Variants in CKAP5 observed in about 807,000 individuals in gnomAD.
The protein encoded by CKAP5 is cytoskeleton-associated protein 5.
In CKAP5, 27 loss-of-function variants were observed where a neutral mutation model predicts 232.8. The observed-to-expected ratio is 0.12, with a 90% CI of 0.09 to 0.16. The LOEUF is 0.16. Among genes scored for constraint, CKAP5 ranks in the 10% least tolerant of loss-of-function variants. CKAP5 has a pLI of 1.00. For synonymous variants in CKAP5, 785 were observed against 841.1 expected (o/e 0.93, Z 1.16); for missense variants, 1,838 against 2,424.7 (o/e 0.76, Z 5.08).
intron 15 of CKAP5, among the ~76,000 whole-genome samples, chr11:46,789,248 A>G (rs1483021763): frequency 6.6e-6 from 1 of 152,248 alleles, no homozygotes; most frequent in Non-Finnish European, 1.5e-5. Flanking sequence ...GGCTTCTGCC[A>G]TAAGTGACAG....
At position 46,811,146 on chromosome 11, in the gene CKAP5, G is replaced by T; in HGVS notation, c.491C>A (p.Pro164Gln). The T allele has an allele frequency of 6.2e-7, 1 of 1,613,278 alleles. No homozygotes were observed. The highest frequency in any genetic ancestry group is 1.1e-5 in the South Asian group (1 of 90,792). ...GAGTTTTGGCAACACTTTGATAATT[G>T]GCTTAAGCAAGATGATTTTGGAACC... ...EFGSKIILLK[P>Q]IIKVLPKLFE... Residue 164 changes from proline (P) to glutamine (Q), a missense_variant, in exon 5 of 44, where the codon CCA becomes CAA. Transcript: ENST00000529230.
At chr11:46,821,117 A>T in intron 2 of CKAP5, 58 bp downstream of exon 2, 1 of 1,237,074 alleles carries the variant, frequency 8.1e-7, no homozygotes, top group Non-Finnish European at 1.2e-6. Context: ...AGATGATAGT[A>T]TAACTGCTCA....
rs533504791 is a variant in CKAP5 at position 46,748,755 on chromosome 11, C to T, written c.5704+1519G>A. The stretch of plus-strand genomic sequence containing the variant: ...CTGCACTCCAGCCCGAGCAACAGAG[C>T]GAGACTGTCTCAAAACAAAACAAAA... On this transcript the variant is annotated intron_variant, in intron 42 of 43. Coordinates refer to ENST00000529230, the MANE Select transcript of CKAP5 (RefSeq NM_001008938.4). Among the ~76,000 whole-genome samples the T allele has an allele frequency of 6.6e-5, 10 of 152,078 alleles. No individual in the cohort carries two copies. The South Asian group carries it at 1.7e-3, about 25-fold the overall frequency.
intron 20 of CKAP5, among the ~76,000 whole-genome samples, chr11:46,779,288 A>G (rs1214000593): frequency 6.6e-6 from 1 of 151,974 alleles, no homozygotes; most frequent in Non-Finnish European, 1.5e-5. Context: ...GCGTGCTACC[A>G]CACTCGGCTG....
intron 24 of CKAP5, among the ~76,000 whole-genome samples, chr11:46,775,905 T>C (rs979135982): frequency 1.3e-5 from 2 of 152,072 alleles, no homozygotes; most frequent in African/African-American, 2.4e-5. Context: ...CAAACCACCA[T>C]GGCACATGTA....
At position 46,809,764 on chromosome 11, in the gene CKAP5, A is replaced by T; in HGVS notation, c.741T>A (p.Ser247=). Residue 247 remains serine, a synonymous_variant, in exon 6 of 44, where the codon TCT becomes TCA. Transcript: ENST00000529230. ...TACCTCCTTCAGCATCTCCACCAGC[A>T]GACTGTTGTTGTTCCAATTTAGCTT... is the stretch of plus-strand genomic sequence containing the variant. ...ELEAKLEQQQ[S]AGGDAEGGGD... 5 of 1,614,150 alleles carry T rather than the reference A, an allele frequency of 3.1e-6. No individual in the cohort carries two copies. The highest frequency in any genetic ancestry group is 4.2e-6 in the Non-Finnish European group (5 of 1,180,036).
intron 1 of CKAP5, among the ~76,000 whole-genome samples, chr11:46,844,951 G>A (rs1940147946): frequency 6.6e-6 from 1 of 152,128 alleles, no homozygotes. Flanking sequence ...ACCGCGCCCA[G>A]CCTAAAATCT....
chr11:46,790,046 T>C lies in CKAP5; in HGVS notation c.1875+30A>G, dbSNP rs1385249146. ...GCTGCTTCCATATAATCTAATTTTC[T>C]TTCACACTCAATTCTTCCCTATGCA... is the stretch of plus-strand genomic sequence containing the variant. On this transcript the variant is annotated intron_variant, in intron 15 of 43. Coordinates refer to ENST00000529230, the MANE Select transcript of CKAP5 (RefSeq NM_001008938.4). 2.8e-6 allele frequency: 4 copies of C among 1,423,478 alleles called. 1 individual carries two copies. Among genetic ancestry groups the C allele is most frequent in the South Asian group, 2.4e-5 (2 of 83,044 alleles). 88.2% of individuals were successfully genotyped at this position (1,423,478 alleles called of 1,614,324 possible). A position where few individuals can be genotyped will look rare whatever the true frequency, so the allele number is the denominator to read the frequency against.
chr11:46,843,291 C>T (rs1224346138), intron 1 of CKAP5, among the ~76,000 whole-genome samples: 1 of 152,130 alleles, frequency 6.6e-6, no homozygotes, highest in African/African-American at 2.4e-5. Context: ...GCTCAACCAC[C>T]TGCTGGGGAC....
intron 15 of CKAP5, among the ~76,000 whole-genome samples, chr11:46,789,280 T>C (rs1166006094): frequency 1.3e-5 from 2 of 152,218 alleles, no homozygotes. Flanking sequence ...TGTTTCTCCT[T>C]ACCGTTCCTC....
chr11:46,772,086 T>C lies in CKAP5; in HGVS notation c.2992-1104A>G, dbSNP rs890234088. ...CTTGCTCTTGTCACCCAGGCTGGAG[T>C]GCAATGGCATGATCTCAGCTCACTA... On this transcript the variant is annotated intron_variant, in intron 24 of 43. Transcript: ENST00000529230. 2.0e-5 allele frequency among the ~76,000 whole-genome samples: 3 copies of C among 150,634 alleles called. No individual in the cohort carries two copies. In the East Asian group the frequency reaches 5.9e-4, roughly 29 times the overall value.
At position 46,809,385 on chromosome 11, in the gene CKAP5, T is replaced by G. The variant is rs756684042; in HGVS notation, c.864+15A>C. 3 of 1,460,924 alleles carry G rather than the reference T, an allele frequency of 2.1e-6. No homozygotes were observed. Among genetic ancestry groups the G allele is most frequent in the Non-Finnish European group, 2.9e-6 (3 of 1,048,068 alleles). 90.5% of individuals were successfully genotyped at this position (1,460,924 alleles called of 1,614,324 possible). ...TTTACAAGAAATAAATGAAAGAAGT[T>G]TAACTATTACTTACAATTTTGTCAT... On this transcript the variant is annotated intron_variant, in intron 7 of 43. Transcript: ENST00000529230.
At chr11:46,748,331 T>C (rs758317439) in intron 42 of CKAP5, among the ~76,000 whole-genome samples, 10 of 152,148 alleles carry the variant, frequency 6.6e-5, no homozygotes, top group Non-Finnish European at 1.3e-4. Flanking sequence ...ACCAAGGTGG[T>C]AGCAGTGAAG....
intron 35 of CKAP5, 78 bp from the exon 36 acceptor site, chr11:46,755,145 C>T: frequency 1.8e-6 from 2 of 1,090,452 alleles, no homozygotes; most frequent in Non-Finnish European, 2.5e-6. Context: ...TGAAACTTCT[C>T]CATAAGAATA....
Position 46,818,419 on chromosome 11 carries a change from T to G in CKAP5, c.142A>C (p.Lys48Gln). 1.9e-6 allele frequency: 3 copies of G among 1,612,256 alleles called. No homozygotes were observed. The highest frequency in any genetic ancestry group is 2.5e-6 in the Non-Finnish European group (3 of 1,179,338). The change falls in exon 3 of 44, where the codon AAA (lysine) becomes CAA (glutamine). Residue 48 changes from lysine (K) to glutamine (Q), a missense_variant. This residue lies in a region of CKAP5 where 285 missense variants were observed against 300.0 expected (regional missense o/e 0.95). Transcript: ENST00000529230. ...AATTTTTTGATCAATCCTAAAAATT[T>G]GGACCACTCTGGGCTCTTTTCATCC... ...IKDEKSPEWSKFLGLIKKFVT... is the reference protein window; with the variant it reads ...IKDEKSPEWSQFLGLIKKFVT...
intron 3 of CKAP5, among the ~76,000 whole-genome samples, chr11:46,817,478 G>C (rs1027146384): frequency 1.3e-5 from 2 of 152,156 alleles, no homozygotes; most frequent in Non-Finnish European, 2.9e-5. Flanking sequence ...AGTGGGTTGA[G>C]ATTACATGCA....
Position 46,750,554 on chromosome 11 carries a change from T to C in CKAP5, c.5518A>G (p.Ile1840Val), listed in dbSNP as rs1415463886. 1.9e-6 allele frequency: 3 copies of C among 1,613,914 alleles called. No homozygotes were observed. The highest frequency in any genetic ancestry group is 2.5e-6 in the Non-Finnish European group (3 of 1,179,984). The change falls in exon 41 of 44, where the codon ATT becomes GTT. Residue 1840 changes from isoleucine to valine, a missense_variant. By Grantham distance (29) the Ile-to-Val change is conservative. This residue lies in a region of CKAP5 where 579 missense variants were observed against 843.2 expected (regional missense o/e 0.69). Transcript: ENST00000529230. ...NDFLAEIFKK[I>V]GSKENTKEGL... ...TCTTTAGTGTTTTCTTTAGAGCCAA[T>C]CTTCTTAAAAATCTCAGCTAAGAAA...
intron 9 of CKAP5, among the ~76,000 whole-genome samples, chr11:46,800,901 G>A (rs891176934): frequency 6.6e-6 from 1 of 152,070 alleles, no homozygotes. Context: ...GTATAATGTT[G>A]TAAGAACAAA....
intron 20 of CKAP5, among the ~76,000 whole-genome samples, chr11:46,779,887 G>A (rs886489972): frequency 2.6e-5 from 4 of 152,108 alleles, no homozygotes; most frequent in African/African-American, 9.7e-5. Context: ...CTCCCAAAGT[G>A]CTGGAATTAC....
Sources: gnomAD v4.1 joint callset for allele counts (sites outside exome capture counted in the v4.1 genomes callset) on GRCh38, gnomAD v4.1.1 for gene constraint, gnomAD v4.1.1 regional missense constraint, MANE v1.5 for transcripts, NCBI Gene and HGNC (gene_info 2026-07-23, HGNC 2026-07-21) for gene names.